Variants in FAM171A1 observed in about 807,000 individuals in gnomAD.
FAM171A1 encodes the protein family with sequence similarity 171 member A1.
Under a neutral mutation model 74.9 loss-of-function variants are expected in FAM171A1, and 23 were observed. The ratio of observed to expected loss-of-function variants is 0.31; its 90% confidence interval spans 0.22 to 0.44. The LOEUF is 0.44. Among genes scored for constraint, FAM171A1 ranks in the 20% least tolerant of loss-of-function variants. The pLI, the probability that FAM171A1 is intolerant of heterozygous loss-of-function variation, is 1.00. For missense variants in FAM171A1, 1,162 were observed against 1,159.2 expected, an observed-to-expected ratio of 1.00 and a Z score of -0.03; for synonymous variants, 527 against 505.7, an observed-to-expected ratio of 1.04 and a Z score of -0.57.
Position 15,213,654 on chromosome 10 carries a change from T to C in FAM171A1, c.1934A>G (p.Gln645Arg), listed in dbSNP as rs1833924813. 3.7e-6 allele frequency: 6 copies of C among 1,614,022 alleles called. No individual in the cohort carries two copies. Among genetic ancestry groups the C allele is most frequent in the Non-Finnish European group, 5.1e-6 (6 of 1,179,952 alleles). Residue 645 changes from glutamine (Q) to arginine (R), a missense_variant, in exon 8 of 8, where the codon CAG becomes CGG. By Grantham distance (43) the Gln-to-Arg change is conservative (BLOSUM62 1). Transcript: ENST00000378116. The surrounding 1 kb of genome is among the most constrained non-coding windows in gnomAD (Gnocchi z 6.8). ...PQPLSSQAISQQHLQDAGTRE... is the reference protein window; with the variant it reads ...PQPLSSQAISRQHLQDAGTRE... ...GGTGCCCGCATCCTGCAGGTGCTGCTGAGAGATGGCCTGGGAAGACAGGGG... is the reference window on the plus strand; with the variant it reads ...GGTGCCCGCATCCTGCAGGTGCTGCCGAGAGATGGCCTGGGAAGACAGGGG...
rs190094383 is a variant in FAM171A1 at position 15,307,095 on chromosome 10, G to T, written c.98-22990C>A. Among the ~76,000 whole-genome samples the T allele has an allele frequency of 3.9e-5, 6 of 152,244 alleles. No homozygotes were observed. The East Asian group carries it at 1.2e-3, about 29-fold the overall frequency. On this transcript the variant is annotated intron_variant, in intron 1 of 7. Transcript: ENST00000378116. ...GTGACCTTATTTCCTGCTTCTATGT[G>T]CTGACCCAGGAGCATGAGGATGACA...
chr10:15,283,123 A>C (rs891873906), intron 2 of FAM171A1, among the ~76,000 whole-genome samples: 1 of 152,128 alleles, frequency 6.6e-6, no homozygotes, highest in African/African-American at 2.4e-5. Context: ...GCCTAAGCCT[A>C]GGGAGAGGGA....
chr10:15,355,592 C>T (rs1429708216), intron 1 of FAM171A1, among the ~76,000 whole-genome samples: 1 of 152,054 alleles, frequency 6.6e-6, no homozygotes, highest in African/African-American at 2.4e-5. Context: ...GTGGTGTGCA[C>T]CTGTAGTCCC....
chr10:15,371,202 C>A lies in FAM171A1; in HGVS notation c.-150G>T, dbSNP rs1187911240. 6.9e-5 allele frequency: 11 copies of A among 160,116 alleles called. No individual in the cohort carries two copies. Among genetic ancestry groups the A allele is most frequent in the Admixed American group, 6.1e-4 (9 of 14,744 alleles). 9.9% of individuals were successfully genotyped at this position (160,116 alleles called of 1,614,324 possible). The stretch of plus-strand genomic sequence containing the variant: ...GATTGGCCCGGCCCCGCCGCCCCGG[C>A]CGCTCCCTCCCGCGCCCCGCGCCGG... On this transcript the variant is annotated 5_prime_UTR_variant, in exon 1 of 8. Coordinates refer to ENST00000378116, the MANE Select transcript of FAM171A1 (RefSeq NM_001010924.2).
At chr10:15,353,485 T>C (rs1434484016) in intron 1 of FAM171A1, among the ~76,000 whole-genome samples, 1 of 152,020 alleles carries the variant, frequency 6.6e-6, no homozygotes, top group Non-Finnish European at 1.5e-5. Context: ...AAACCCTAAA[T>C]AGACGTATGG....
chr10:15,215,942 T>C (rs1332162270), intron 7 of FAM171A1, 54 bp downstream of exon 7: 3 of 1,178,064 alleles, frequency 2.5e-6, no homozygotes, highest in African/African-American at 3.1e-5. Context: ...TAAGTATCAA[T>C]TGCCCAAGAA....
At chr10:15,368,633 TA>T (rs1836095214) in intron 1 of FAM171A1, among the ~76,000 whole-genome samples, 1 of 152,222 alleles carries the variant, frequency 6.6e-6, no homozygotes, top group South Asian at 2.1e-4. Flanking sequence ...AGGTATTAGC[TA>T]TGGTTGATGC....
chr10:15,268,668 G>C (rs1162769003), intron 3 of FAM171A1, among the ~76,000 whole-genome samples: 2 of 152,146 alleles, frequency 1.3e-5, no homozygotes, highest in Non-Finnish European at 2.9e-5. Context: ...CAGAGGCCTA[G>C]ATGAGATGTT....
chr10:15,213,788 G>A lies in FAM171A1; in HGVS notation c.1800C>T (p.Pro600=). 6.2e-7 allele frequency: 1 copy of A among 1,614,196 alleles called. No individual in the cohort carries two copies. The highest frequency in any genetic ancestry group is 8.5e-7 in the Non-Finnish European group (1 of 1,180,046). The part of the protein sequence containing the change: ...LPGDHSYVSQ[P]LVVPADQQLE... ...GCTGCTGATCAGCCGGGACGACGAG[G>A]GGCTGGCTGACATAGGAGTGGTCCC... Residue 600 remains proline, a synonymous_variant, in exon 8 of 8, where the codon CCC becomes CCT. Transcript: ENST00000378116. This position sits in a 1 kb window ranked among gnomAD's most constrained non-coding sequence, Gnocchi z 6.8.
At chr10:15,360,158 C>A (rs564217531) in intron 1 of FAM171A1, among the ~76,000 whole-genome samples, 1 of 152,252 alleles carries the variant, frequency 6.6e-6, no homozygotes, top group Non-Finnish European at 1.5e-5. Context: ...GTCTTAAATG[C>A]CTGGGCTCAA....
chr10:15,227,243 C>T (rs900493142), intron 5 of FAM171A1, among the ~76,000 whole-genome samples: 3 of 152,190 alleles, frequency 2.0e-5, no homozygotes, highest in African/African-American at 4.8e-5. Flanking sequence ...TCAAGTGATC[C>T]ATCCCCCTTG....
intron 1 of FAM171A1, among the ~76,000 whole-genome samples, chr10:15,306,554 C>T (rs868220975): frequency 2.0e-5 from 3 of 151,982 alleles, no homozygotes; most frequent in African/African-American, 7.2e-5. Context: ...TTAGTATAGA[C>T]GGGGTTTCAC....
At chr10:15,222,309 C>T (rs951839244) in intron 5 of FAM171A1, among the ~76,000 whole-genome samples, 3 of 152,166 alleles carry the variant, frequency 2.0e-5, no homozygotes, top group Non-Finnish European at 4.4e-5. Flanking sequence ...TTGTTCATCG[C>T]TGTGCAAACA....
intron 5 of FAM171A1, among the ~76,000 whole-genome samples, chr10:15,238,254 A>G (rs964701239): frequency 1.3e-5 from 2 of 152,238 alleles, no homozygotes; most frequent in Non-Finnish European, 2.9e-5. Flanking sequence ...TATTGTAATA[A>G]TGATTTCACT....
intron 1 of FAM171A1, among the ~76,000 whole-genome samples, chr10:15,353,083 C>A (rs574354855): frequency 6.2e-4 from 94 of 152,324 alleles, no homozygotes; most frequent in African/African-American, 2.2e-3. Flanking sequence ...CTTCCACTTA[C>A]ACCAGTTGCA....
At chr10:15,246,105 A>ACAC (rs770884912) in intron 5 of FAM171A1, among the ~76,000 whole-genome samples, 10 of 152,072 alleles carry the variant, frequency 6.6e-5, no homozygotes, top group Non-Finnish European at 1.3e-4. Context: ...CTCACAGAGA[A>ACAC]CACACACCAT....
intron 1 of FAM171A1, among the ~76,000 whole-genome samples, chr10:15,294,903 G>GT (rs1402879759): frequency 6.6e-6 from 1 of 152,008 alleles, no homozygotes; most frequent in Non-Finnish European, 1.5e-5. Flanking sequence ...GGCATGCCTT[G>GT]TTTTTTGTTT....
intron 5 of FAM171A1, among the ~76,000 whole-genome samples, chr10:15,231,970 G>A (rs1224724532): frequency 2.0e-5 from 3 of 152,166 alleles, no homozygotes; most frequent in Non-Finnish European, 4.4e-5. Context: ...GCAGGTGCCT[G>A]TAGTCCCAGC....
chr10:15,307,246 T>C (rs935615738), intron 1 of FAM171A1, among the ~76,000 whole-genome samples: 1 of 152,116 alleles, frequency 6.6e-6, no homozygotes, highest in Non-Finnish European at 1.5e-5. Context: ...ACAGGCCATA[T>C]GGGGGCTGAA....
Sources: allele counts gnomAD v4.1 joint callset (sites outside exome capture counted in the v4.1 genomes callset), GRCh38; gene constraint gnomAD v4.1.1; non-coding constraint Gnocchi (gnomAD v3.1); transcripts MANE v1.5; gene names NCBI Gene and HGNC (gene_info 2026-07-23, HGNC 2026-07-21).